The following DNAH2 variants were observed in gnomAD, a reference collection of about 807,000 sequenced individuals.
The protein encoded by DNAH2 is dynein axonemal heavy chain 2.
Under a neutral mutation model 523.5 loss-of-function variants are expected in DNAH2, and 323 were observed. That is an observed-to-expected ratio of 0.62 (90% CI 0.56 to 0.68). The LOEUF (loss-of-function observed/expected upper bound fraction) is 0.68, where lower values mean the gene tolerates loss of function less well. Ranked by LOEUF, DNAH2 falls within the 30% of genes least tolerant of loss-of-function variation. DNAH2 has a pLI of 0.00. For synonymous variants in DNAH2, 2,093 were observed against 2,177.4 expected (o/e 0.96, Z 1.08); for missense variants, 4,907 against 5,701.5 (o/e 0.86, Z 4.49).
intron 31 of DNAH2, 132 bp downstream of exon 31, chr17:7,776,281 C>G: frequency 9.6e-7 from 1 of 1,039,308 alleles, no homozygotes; most frequent in Non-Finnish European, 1.4e-6. Context: ...GCCTGGCCAA[C>G]ATGGTGAAAC....
rs749421725 is a variant in DNAH2 at position 7,786,933 on chromosome 17, G to A, written c.6503G>A (p.Gly2168Asp). Residue 2168 changes from glycine to aspartate, a missense_variant, in exon 42 of 86, where the codon GGC (glycine) becomes GAC (aspartate). This residue lies in a region of DNAH2 where 2,806 missense variants were observed against 3,190.8 expected (regional missense o/e 0.88). Transcript: ENST00000572933. This position sits in a 1 kb window ranked among gnomAD's most constrained non-coding sequence, Gnocchi z 7.5. ...KPDEKWILFD[G>D]PVDTLWIENM... Reference sequence around the variant, plus strand: ...GACGAGAAGTGGATCCTGTTCGATGGCCCCGTGGACACACTGTGGATCGAG... The same window carrying A: ...GACGAGAAGTGGATCCTGTTCGATGACCCCGTGGACACACTGTGGATCGAG... 1 of 1,614,226 alleles carries A rather than the reference G, an allele frequency of 6.2e-7. No individual in the cohort carries two copies. Among genetic ancestry groups the A allele is most frequent in the East Asian group, 2.2e-5 (1 of 44,862 alleles).
At position 7,739,922 on chromosome 17, in the gene DNAH2, C is replaced by G. The variant is rs1327893652; in HGVS notation, c.1360C>G (p.His454Asp). The change falls in exon 9 of 86, where the codon CAT becomes GAT. Residue 454 changes from histidine to aspartate, a missense_variant. This residue lies in a region of DNAH2 where 2,806 missense variants were observed against 3,190.8 expected (regional missense o/e 0.88). Coordinates refer to ENST00000572933, the MANE Select transcript of DNAH2 (RefSeq NM_020877.5). ...GILDVKNTCW[H>D]EDYNKFRAGI... ...CCTGGATGTCAAGAACACCTGTTGG[C>G]ATGAAGACTACAATAAGTGAGGGAA... The G allele has an allele frequency of 6.2e-7, 1 of 1,613,792 alleles. No individual in the cohort carries two copies. The highest frequency in any genetic ancestry group is 8.5e-7 in the Non-Finnish European group (1 of 1,179,914).
chr17:7,760,765 C>T lies in DNAH2; in HGVS notation c.2811C>T (p.Ile937=), dbSNP rs766270448. The change falls in exon 18 of 86, where the codon ATC becomes ATT. Residue 937 remains isoleucine (I), a synonymous_variant. Transcript: ENST00000572933. This position sits in a 1 kb window ranked among gnomAD's most constrained non-coding sequence, Gnocchi z 4.0. ...AGCAAGATGAGGACATCAAGAAGAT[C>T]CAGACCCAAATCAGCAGCGGCATGA... The part of the protein sequence containing the change: ...VVEQDEDIKK[I]QTQISSGMTN... 6.2e-7 allele frequency: 1 copy of T among 1,613,970 alleles called. No homozygotes were observed. Among genetic ancestry groups the T allele is most frequent in the South Asian group, 1.1e-5 (1 of 91,048 alleles).
At position 7,780,662 on chromosome 17, in the gene DNAH2, A is replaced by G; in HGVS notation, c.5883A>G (p.Ser1961=). The stretch of plus-strand genomic sequence containing the variant: ...CCAAGAAGGTGTACACACTCTACTC[A>G]CTGGCTGTGCAGCAGCTGTCCAGAC... ...ILAKKVYTLY[S]LAVQQLSRQD... is the part of the protein sequence containing the mutation. Residue 1961 remains serine (S), a synonymous_variant, in exon 38 of 86, where the codon TCA becomes TCG. Coordinates refer to ENST00000572933, the MANE Select transcript of DNAH2 (RefSeq NM_020877.5). The surrounding 1 kb of genome is among the most constrained non-coding windows in gnomAD (Gnocchi z 4.4). 3.1e-6 allele frequency: 5 copies of G among 1,614,176 alleles called. No homozygotes were observed. Among genetic ancestry groups the G allele is most frequent in the Non-Finnish European group, 3.4e-6 (4 of 1,180,038 alleles).
rs773811798 is a variant in DNAH2 at position 7,824,011 on chromosome 17, G to A, written c.11478+29G>A. On this transcript the variant is annotated intron_variant, in intron 75 of 85. Transcript: ENST00000572933. The stretch of plus-strand genomic sequence containing the variant: ...GGTGGCTCGGCTTCCTTGTCCCCAC[G>A]GCCCATGGGTCTTTCCTGCCTCCCT... The A allele has an allele frequency of 1.8e-5, 29 of 1,603,922 alleles. 1 individual carries two copies. The highest frequency in any genetic ancestry group is 1.6e-4 in the East Asian group (7 of 44,770).
intron 58 of DNAH2, 114 bp from the exon 59 acceptor site, chr17:7,804,142 G>A (rs1350807836): frequency 9.4e-7 from 1 of 1,059,820 alleles, no homozygotes; most frequent in Non-Finnish European, 1.4e-6. Context: ...GGGTAGTGTT[G>A]GTGGCAACAG....
intron 6 of DNAH2, 77 bp from the exon 7 acceptor site, chr17:7,734,393 C>T (rs1234946552): frequency 2.1e-5 from 33 of 1,594,328 alleles, no homozygotes; most frequent in Admixed American, 8.4e-5. Context: ...AGGTCTCTGT[C>T]GGGGTTGCGG....
chr17:7,741,240 T>TTCTC (rs1397733290), intron 11 of DNAH2, among the ~76,000 whole-genome samples: 2 of 26,800 alleles, frequency 7.5e-5, no homozygotes, highest in Non-Finnish European at 1.5e-4. Context: ...CTCTCTCTCT[T>TTCTC]TCTTTCTTTC....
At chr17:7,783,154 C>G (rs1294989535) in intron 39 of DNAH2, among the ~76,000 whole-genome samples, 1 of 151,998 alleles carries the variant, frequency 6.6e-6, no homozygotes, top group South Asian at 2.1e-4. Flanking sequence ...CTTGGCTCAC[C>G]GCAACCTCCG....
At position 7,766,216 on chromosome 17, in the gene DNAH2, G is replaced by T. The variant is rs182958401; in HGVS notation, c.3512-102G>T. 4.0e-6 allele frequency: 5 copies of T among 1,253,580 alleles called. No individual in the cohort carries two copies. The highest frequency in any genetic ancestry group is 1.4e-5 in the South Asian group (1 of 71,382). The allele number at this position is 1,253,580 out of a possible 1,614,324, so 77.7% of individuals were successfully genotyped here. A position where few individuals can be genotyped will look rare whatever the true frequency, so the allele number is the denominator to read the frequency against. On this transcript the variant is annotated intron_variant, in intron 21 of 85. Coordinates refer to ENST00000572933, the MANE Select transcript of DNAH2 (RefSeq NM_020877.5). Reference sequence around the variant, plus strand: ...ACTCTCCTTCCCTTCCCTCTCTCACGTGAGGAGAGAGGTGAGATTTGCCCA... The same window carrying T: ...ACTCTCCTTCCCTTCCCTCTCTCACTTGAGGAGAGAGGTGAGATTTGCCCA...
intron 63 of DNAH2, among the ~76,000 whole-genome samples, chr17:7,812,767 C>CAAAAAAAAA (rs59534940): frequency 4.2e-5 from 1 of 23,820 alleles, no homozygotes; most frequent in Non-Finnish European, 7.0e-5. Flanking sequence ...CTAAAAATAC[C>CAAAAAAAAA]AAAAAAAAAA....
chr17:7,784,415 T>A (rs937492587), intron 39 of DNAH2, among the ~76,000 whole-genome samples: 1 of 152,164 alleles, frequency 6.6e-6, no homozygotes, highest in African/African-American at 2.4e-5. Context: ...TGTTGGCTCA[T>A]GCCTGTAGCC....
intron 44 of DNAH2, among the ~76,000 whole-genome samples, chr17:7,788,739 T>G (rs1044179668): frequency 3.9e-5 from 6 of 152,222 alleles, no homozygotes; most frequent in Non-Finnish European, 7.3e-5. Context: ...CTGTTGAGAT[T>G]AAATCACTGC....
intron 3 of DNAH2, 75 bp from the exon 4 acceptor site, chr17:7,727,047 C>T (rs34219250): frequency 0.17 from 242,186 of 1,455,392 alleles, 22,350 homozygotes; most frequent in Non-Finnish European, 0.19. Context: ...CATGTCCTCA[C>T]TTGTGATTGT....
At position 7,798,779 on chromosome 17, in the gene DNAH2, A is replaced by G; in HGVS notation, c.8559+61A>G. ...TTTGGCCTGCCTAGCTGACCCCAGA[A>G]GGACCACAGCTCCCAGAATGTGCCA... On this transcript the variant is annotated intron_variant, in intron 55 of 85. Transcript: ENST00000572933. The surrounding 1 kb of genome is among the most constrained non-coding windows in gnomAD (Gnocchi z 5.5). 1 of 1,565,572 alleles carries G rather than the reference A, an allele frequency of 6.4e-7. No individual in the cohort carries two copies. The highest frequency in any genetic ancestry group is 1.7e-5 in the Admixed American group (1 of 58,422).
At position 7,760,309 on chromosome 17, in the gene DNAH2, G is replaced by A. The variant is rs1411724925; in HGVS notation, c.2785+371G>A. ...CCCGGAGGCGGAGGTTGCAGTGAGC[G>A]GAGATCATGCCACTGCATTCCAGCC... is the stretch of plus-strand genomic sequence containing the variant. On this transcript the variant is annotated intron_variant, in intron 17 of 85. Transcript: ENST00000572933. This position sits in a 1 kb window ranked among gnomAD's most constrained non-coding sequence, Gnocchi z 4.0. Among the ~76,000 whole-genome samples the A allele has an allele frequency of 6.6e-6, 1 of 151,848 alleles. No homozygotes were observed. Among genetic ancestry groups the A allele is most frequent in the African/African-American group, 2.4e-5 (1 of 41,338 alleles).
chr17:7,759,208 CTT>C, intron 15 of DNAH2, 84 bp downstream of exon 15: 1 of 1,563,016 alleles, frequency 6.4e-7, no homozygotes, highest in East Asian at 2.3e-5. Flanking sequence ...CTCCCCGACC[CTT>C]TTTTCTTTTT....
Position 7,786,056 on chromosome 17 carries a change from G to T in DNAH2, c.6130-68G>T, listed in dbSNP as rs928110624. The T allele has an allele frequency of 3.3e-6, 5 of 1,532,970 alleles. No homozygotes were observed. Among genetic ancestry groups the T allele is most frequent in the Non-Finnish European group, 4.5e-6 (5 of 1,113,584 alleles). The allele number at this position is 1,532,970 out of a possible 1,614,324, so 95.0% of individuals were successfully genotyped here. A position where few individuals can be genotyped will look rare whatever the true frequency, so the allele number is the denominator to read the frequency against. The stretch of plus-strand genomic sequence containing the variant: ...TGAACGTATTCTCTCTGGCACCGGG[G>T]AGATTTTGAAAGCCCTTTAAAGGCC... On this transcript the variant is annotated intron_variant, in intron 39 of 85. Coordinates refer to ENST00000572933, the MANE Select transcript of DNAH2 (RefSeq NM_020877.5). This position sits in a 1 kb window ranked among gnomAD's most constrained non-coding sequence, Gnocchi z 7.5.
intron 33 of DNAH2, among the ~76,000 whole-genome samples, 198 bp downstream of exon 33, chr17:7,777,832 A>G (rs577911392): frequency 1.3e-5 from 2 of 152,192 alleles, no homozygotes; most frequent in African/African-American, 2.4e-5. Flanking sequence ...CTCACTATGA[A>G]TGTCACTTGA....
Sources: gnomAD v4.1 joint callset for allele counts (sites outside exome capture counted in the v4.1 genomes callset) on GRCh38, gnomAD v4.1.1 for gene constraint, gnomAD v4.1.1 regional missense constraint, Gnocchi (gnomAD v3.1) non-coding constraint, MANE v1.5 for transcripts, NCBI Gene and HGNC (gene_info 2026-07-23, HGNC 2026-07-21) for gene names.